The following SASH1 variants were observed in gnomAD, a reference collection of about 807,000 sequenced individuals.
SASH1 encodes SAM and SH3 domain-containing protein 1.
SASH1 carries 44 observed loss-of-function variants against 125.2 expected under a neutral mutation model. That is an observed-to-expected ratio of 0.35 (90% CI 0.28 to 0.45). SASH1 has a LOEUF of 0.45. Among genes scored for constraint, SASH1 ranks in the 20% least tolerant of loss-of-function variants. The pLI, the probability that SASH1 is intolerant of heterozygous loss-of-function variation, is 1.00. For missense variants in SASH1, 1,426 were observed against 1,614.5 expected, an observed-to-expected ratio of 0.88 and a Z score of 2.00; for synonymous variants, 639 against 649.1, an observed-to-expected ratio of 0.98 and a Z score of 0.24.
chr6:148,326,034 C>CTT (rs67220775), intron 1 of SASH1, among the ~76,000 whole-genome samples: 94 of 142,126 alleles, frequency 6.6e-4, no homozygotes, highest in Middle Eastern at 3.5e-3. Flanking sequence ...TGCTCTTGAA[C>CTT]TTTTTTTTTT....
the SASH1 span, among the ~76,000 whole-genome samples, chr6:148,227,637 C>G: frequency 6.6e-6 from 1 of 152,172 alleles, no homozygotes; most frequent in Non-Finnish European, 1.5e-5. Flanking sequence ...GGATTACAGG[C>G]ACTTTGAGCC....
chr6:148,402,990 ATAT>A (rs1784235468), intron 2 of SASH1, among the ~76,000 whole-genome samples: 1 of 152,168 alleles, frequency 6.6e-6, no homozygotes, highest in African/African-American at 2.4e-5. Context: ...CTTATCATAG[ATAT>A]TATTATTTAT....
chr6:148,206,618 C>T, the SASH1 span, among the ~76,000 whole-genome samples: 1 of 151,740 alleles, frequency 6.6e-6, no homozygotes, highest in Admixed American at 6.6e-5. Context: ...GGTGAAACCC[C>T]ATCTCTACTA....
chr6:148,360,641 C>CCT (rs978299805), intron 1 of SASH1, among the ~76,000 whole-genome samples: 1 of 128,048 alleles, frequency 7.8e-6, no homozygotes, highest in East Asian at 2.2e-4. Context: ...GAGCCACCCC[C>CCT]CCGCCAGGCT....
the SASH1 span, among the ~76,000 whole-genome samples, chr6:148,222,859 A>G: frequency 6.6e-6 from 1 of 151,870 alleles, no homozygotes; most frequent in Non-Finnish European, 1.5e-5. Flanking sequence ...GGGAATGGAA[A>G]CTTCTCTTAT....
the SASH1 span, among the ~76,000 whole-genome samples, chr6:148,201,545 C>T: frequency 2.0e-3 from 303 of 152,210 alleles, 3 homozygotes; most frequent in Middle Eastern, 0.014. Context: ...AGTTGCCAGG[C>T]AATGCCGATA....
the SASH1 span, among the ~76,000 whole-genome samples, chr6:148,205,840 C>T: frequency 6.6e-6 from 1 of 152,188 alleles, no homozygotes; most frequent in Non-Finnish European, 1.5e-5. Context: ...GAGCATTGCT[C>T]TCTGATTGTA....
At chr6:148,353,217 A>G (rs1292255936) in intron 1 of SASH1, among the ~76,000 whole-genome samples, 1 of 151,494 alleles carries the variant, frequency 6.6e-6, no homozygotes, top group Non-Finnish European at 1.5e-5. Context: ...ATAGGCGTGC[A>G]TTACCACGCT....
intron 2 of SASH1, among the ~76,000 whole-genome samples, chr6:148,435,850 T>G (rs763207240): frequency 3.9e-5 from 6 of 152,344 alleles, no homozygotes; most frequent in East Asian, 3.9e-4. Context: ...TCTATAATCA[T>G]AGGTTTGAAA....
chr6:148,387,701 T>A (rs1583066618), intron 1 of SASH1, among the ~76,000 whole-genome samples: 1 of 141,078 alleles, frequency 7.1e-6, no homozygotes, highest in South Asian at 2.3e-4. Context: ...TCGGCATCCT[T>A]AGTAAATTAT....
At chr6:148,203,741 A>G in the SASH1 span, among the ~76,000 whole-genome samples, 1 of 152,186 alleles carries the variant, frequency 6.6e-6, no homozygotes, top group Non-Finnish European at 1.5e-5. Context: ...AAATGGGCTA[A>G]CTATTGGATG....
At chr6:148,475,351 G>C (rs1737668) in intron 7 of SASH1, among the ~76,000 whole-genome samples, 2 of 151,956 alleles carry the variant, frequency 1.3e-5, no homozygotes, top group Admixed American at 6.6e-5. Flanking sequence ...CTGGAGGCTG[G>C]GAAATCTAAT....
chr6:148,399,482 C>A (rs1159101776), intron 2 of SASH1, among the ~76,000 whole-genome samples: 1 of 151,884 alleles, frequency 6.6e-6, no homozygotes, highest in African/African-American at 2.4e-5. Context: ...CGCGTCAGCC[C>A]CCCAAAATGC....
intron 1 of SASH1, among the ~76,000 whole-genome samples, chr6:148,322,865 A>ACCTG: frequency 7.0e-6 from 1 of 143,258 alleles, no homozygotes. Flanking sequence ...CATCCAAATC[A>ACCTG]TCTTTCTTTC....
At position 148,522,506 on chromosome 6, in the gene SASH1, C is replaced by T. The variant is rs1485341914; in HGVS notation, c.1209+2613C>T. The stretch of plus-strand genomic sequence containing the variant: ...AAAATGCCATATTTGCTTGATGAAG[C>T]CTCAGGGAAATGATAATGCTTTGTA... On this transcript the variant is annotated intron_variant, in intron 10 of 19. Transcript: ENST00000367467. Among the ~76,000 whole-genome samples the T allele has an allele frequency of 2.0e-5, 3 of 152,266 alleles. No homozygotes were observed. The East Asian group carries it at 5.8e-4, about 29-fold the overall frequency.
intron 2 of SASH1, among the ~76,000 whole-genome samples, chr6:148,393,251 G>C (rs1233259122): frequency 1.3e-5 from 2 of 150,544 alleles, no homozygotes; most frequent in Admixed American, 6.6e-5. Context: ...GCAGAGACAG[G>C]GTTTCTCCAT....
intron 4 of SASH1, among the ~76,000 whole-genome samples, chr6:148,450,098 T>C (rs1481309302): frequency 6.6e-6 from 1 of 152,160 alleles, no homozygotes; most frequent in Non-Finnish European, 1.5e-5. Flanking sequence ...ATACCCAAAC[T>C]ATAGCACTCT....
intron 1 of SASH1, among the ~76,000 whole-genome samples, chr6:148,284,803 T>C (rs1366848072): frequency 2.0e-5 from 3 of 152,218 alleles, no homozygotes; most frequent in Non-Finnish European, 4.4e-5. Flanking sequence ...AATGCTATAA[T>C]GAACTTTTGG....
intron 7 of SASH1, among the ~76,000 whole-genome samples, chr6:148,478,478 A>T (rs1161672468): frequency 6.6e-6 from 1 of 152,168 alleles, no homozygotes; most frequent in Non-Finnish European, 1.5e-5. Context: ...AAAAATTAAA[A>T]CAATTGAACT....
Sources: allele counts gnomAD v4.1 joint callset (sites outside exome capture counted in the v4.1 genomes callset), GRCh38; gene constraint gnomAD v4.1.1; transcripts MANE v1.5; gene names NCBI Gene and HGNC (gene_info 2026-07-23, HGNC 2026-07-21).